Variants in XPO7 observed in about 807,000 individuals in gnomAD.
XPO7 encodes exportin 7.
Under a neutral mutation model 144.3 loss-of-function variants are expected in XPO7, and 21 were observed. The ratio of observed to expected loss-of-function variants is 0.15; its 90% CI spans 0.10 to 0.21. XPO7 has a LOEUF of 0.21. Among genes scored for constraint, XPO7 ranks in the 10% least tolerant of loss-of-function variants. The pLI is 1.00. For missense variants in XPO7, 808 were observed against 1,325.8 expected (o/e 0.61, Z 6.06); for synonymous variants, 580 against 499.6 (o/e 1.16, Z -2.15).
At chr8:21,961,876 C>A (rs1018896182) in intron 1 of XPO7, among the ~76,000 whole-genome samples, 2 of 152,158 alleles carry the variant, frequency 1.3e-5, no homozygotes, top group Non-Finnish European at 2.9e-5. Flanking sequence ...TCGGCCATGC[C>A]GGTCTCAAAC....
intron 1 of XPO7, among the ~76,000 whole-genome samples, chr8:21,929,128 AG>A (rs1780522433): frequency 6.6e-6 from 1 of 152,214 alleles, no homozygotes; most frequent in Non-Finnish European, 1.5e-5. Context: ...AGTGCTCAGT[AG>A]CCACATGAGG....
chr8:22,000,958 T>C (rs573339833), intron 24 of XPO7, among the ~76,000 whole-genome samples: 1 of 152,282 alleles, frequency 6.6e-6, no homozygotes, highest in South Asian at 2.1e-4. Context: ...TCAGGGTGCA[T>C]AGCCGTATCT....
intron 16 of XPO7, 124 bp downstream of exon 16, chr8:21,989,207 T>C (rs567442512): frequency 3.3e-6 from 3 of 912,224 alleles, no homozygotes; most frequent in South Asian, 1.8e-5. Flanking sequence ...TCTTCCATTT[T>C]CCTAGGAGTC....
At chr8:21,923,624 A>G (rs573118332) in intron 1 of XPO7, among the ~76,000 whole-genome samples, 29 of 152,362 alleles carry the variant, frequency 1.9e-4, no homozygotes, top group African/African-American at 6.7e-4. Context: ...ACACAGAAAA[A>G]ACAAAATACA....
rs1318778743 is a variant in XPO7 at position 21,970,270 on chromosome 8, T to C, written c.386T>C (p.Val129Ala). Residue 129 changes from valine (V) to alanine (A), a missense_variant, in exon 4 of 28, where the codon GTC becomes GCC. Coordinates refer to ENST00000252512, the MANE Select transcript of XPO7 (RefSeq NM_015024.5). Reference sequence around the variant, plus strand: ...TTTGACTGTCAGAAGGATGACTATGTCTTCAGAAATGCAATCACAGACGTC... The same window carrying C: ...TTTGACTGTCAGAAGGATGACTATGCCTTCAGAAATGCAATCACAGACGTC... Reference protein sequence around the residue: ...GWFDCQKDDYVFRNAITDVTR... With the variant: ...GWFDCQKDDYAFRNAITDVTR... The C allele has an allele frequency of 6.2e-7, 1 of 1,613,812 alleles. No homozygotes were observed.
chr8:21,948,109 C>G (rs62492077), intron 1 of XPO7, among the ~76,000 whole-genome samples: 13,563 of 152,246 alleles, frequency 0.089, 806 homozygotes, highest in Middle Eastern at 0.14. Context: ...ACCTCTTACT[C>G]TCATATATTG....
chr8:21,955,000 C>T (rs993082865), intron 1 of XPO7, among the ~76,000 whole-genome samples: 16 of 152,140 alleles, frequency 1.1e-4, no homozygotes, highest in Admixed American at 4.6e-4. Context: ...CCAGTATAGA[C>T]CTGCTTATAA....
intron 15 of XPO7, chr8:21,988,268 A>C (rs1266580360): frequency 5.5e-6 from 1 of 183,432 alleles, no homozygotes; most frequent in Non-Finnish European, 1.2e-5. Flanking sequence ...GCCCCACTTA[A>C]AAATGGGCTT....
chr8:21,982,592 A>G (rs755098643), intron 10 of XPO7, 48 bp from the exon 11 acceptor site: 16 of 1,528,548 alleles, frequency 1.0e-5, no homozygotes, highest in Middle Eastern at 3.8e-4. Context: ...TGGGACTAAC[A>G]CGTACAGAAA....
chr8:21,922,231 G>A (rs1013405803), intron 1 of XPO7, among the ~76,000 whole-genome samples: 2 of 152,012 alleles, frequency 1.3e-5, no homozygotes, highest in African/African-American at 4.8e-5. Context: ...TATGATTCTC[G>A]GGTTCTCTCA....
At position 21,970,209 on chromosome 8, in the gene XPO7, A is replaced by G; in HGVS notation, c.325A>G (p.Ile109Val). Reference sequence around the variant, plus strand: ...GGCTACTTTCGTGACACAAGCACTTATTCAGTTATATGCCAGAATCACAAA... The same window carrying G: ...GGCTACTTTCGTGACACAAGCACTTGTTCAGTTATATGCCAGAATCACAAA... ...KLATFVTQAL[I>V]QLYARITKLG... Residue 109 changes from isoleucine to valine, a missense_variant, in exon 4 of 28, where the codon ATT (isoleucine) becomes GTT (valine). This residue lies in a region of XPO7 where 223 missense variants were observed against 368.8 expected (regional missense o/e 0.60). Coordinates refer to ENST00000252512, the MANE Select transcript of XPO7 (RefSeq NM_015024.5). 1 of 1,613,916 alleles carries G rather than the reference A, an allele frequency of 6.2e-7. No individual in the cohort carries two copies. Among genetic ancestry groups the G allele is most frequent in the East Asian group, 2.2e-5 (1 of 44,878 alleles).
chr8:21,971,897 A>C lies in XPO7; in HGVS notation c.448A>C (p.Ile150Leu), dbSNP rs750807969. 1 of 1,613,572 alleles carries C rather than the reference A, an allele frequency of 6.2e-7. No individual in the cohort carries two copies. Among genetic ancestry groups the C allele is most frequent in the Admixed American group, 1.7e-5 (1 of 60,028 alleles). Residue 150 changes from isoleucine (I) to leucine (L), a missense_variant, in exon 5 of 28, where the codon ATT (isoleucine) becomes CTT (leucine). Coordinates refer to ENST00000252512, the MANE Select transcript of XPO7 (RefSeq NM_015024.5). ...CCAGGATAGTGTTGAATACTGCATC[A>C]TTGGTGTCACAATTTTATCTCAGCT... The part of the protein sequence containing the change: ...FLQDSVEYCI[I>L]GVTILSQLTN...
At chr8:21,943,052 C>T (rs1323561486) in intron 1 of XPO7, among the ~76,000 whole-genome samples, 1 of 152,176 alleles carries the variant, frequency 6.6e-6, no homozygotes, top group East Asian at 1.9e-4. Flanking sequence ...GTCAGTACAG[C>T]AAAGTGTATA....
In XPO7 at chr8:21,980,113, A is replaced by G. The variant is rs1036528461; in HGVS notation, c.867A>G (p.Ser289=). The G allele has an allele frequency of 1.9e-5, 31 of 1,603,224 alleles. No homozygotes were observed. Among genetic ancestry groups the G allele is most frequent in the Non-Finnish European group, 1.8e-5 (21 of 1,174,286 alleles). Reference sequence around the variant, plus strand: ...TATCCTGCTTGGTACAGATCGCTTCAGTCAGAAGATCCCTGTTTAACAATG... The same window carrying G: ...TATCCTGCTTGGTACAGATCGCTTCGGTCAGAAGATCCCTGTTTAACAATG... The part of the protein sequence containing the change: ...LVLSCLVQIA[S]VRRSLFNNAE... Residue 289 remains serine, a synonymous_variant, in exon 9 of 28, where the codon TCA becomes TCG. Transcript: ENST00000252512.
intron 1 of XPO7, among the ~76,000 whole-genome samples, chr8:21,960,783 C>T (rs751910966): frequency 5.9e-5 from 9 of 152,130 alleles, no homozygotes; most frequent in Non-Finnish European, 7.3e-5. Context: ...TAATGGGAGT[C>T]GTGGTTGTAA....
chr8:21,966,200 TA>T (rs2117322547), intron 1 of XPO7: 7 of 733,928 alleles, frequency 9.5e-6, no homozygotes, highest in Non-Finnish European at 1.8e-5. Flanking sequence ...GAGCATATGC[TA>T]GGGTTGAATT....
chr8:21,980,931 T>C (rs1812388807), intron 9 of XPO7, among the ~76,000 whole-genome samples: 1 of 152,234 alleles, frequency 6.6e-6, no homozygotes, highest in African/African-American at 2.4e-5. Flanking sequence ...TTTTTGTCTT[T>C]TGAAGTCCCA....
chr8:21,973,874 A>G (rs1484162), intron 5 of XPO7, among the ~76,000 whole-genome samples: 54,179 of 152,170 alleles, frequency 0.36, 10,255 homozygotes, highest in Non-Finnish European at 0.42. Context: ...GGGAAAGTCA[A>G]AGACCAATAC....
intron 1 of XPO7, among the ~76,000 whole-genome samples, chr8:21,955,656 C>G (rs1290966294): frequency 2.0e-5 from 3 of 151,434 alleles, no homozygotes; most frequent in Non-Finnish European, 2.9e-5. Context: ...CCTTGATATC[C>G]CTCTTCTCTG....
Sources: gnomAD v4.1 joint callset for allele counts (sites outside exome capture counted in the v4.1 genomes callset) on GRCh38, gnomAD v4.1.1 for gene constraint, gnomAD v4.1.1 regional missense constraint, MANE v1.5 for transcripts, NCBI Gene and HGNC (gene_info 2026-07-23, HGNC 2026-07-21) for gene names.